The following FABP12 variants were observed in gnomAD, a reference collection of about 807,000 sequenced individuals.
FABP12 encodes the protein fatty acid binding protein 12, also known as fatty acid-binding protein 12.
Under a neutral mutation model 13.7 loss-of-function variants are expected in FABP12, and 19 were observed. The ratio of observed to expected loss-of-function variants is 1.39; its 90% CI spans 0.97 to 2.04. The LOEUF (loss-of-function observed/expected upper bound fraction) is 2.04. Among genes scored for constraint, FABP12 ranks in the 30% most tolerant of loss-of-function variants. FABP12 has a pLI of 0.00. For synonymous variants in FABP12, 61 were observed against 57.0 expected (o/e 1.07, Z -0.32); for missense variants, 182 against 164.2 (o/e 1.11, Z -0.59).
At chr8:81,567,918 G>C (rs537881239) in intron 1 of FABP12, among the ~76,000 whole-genome samples, 22 of 151,998 alleles carry the variant, frequency 1.4e-4, no homozygotes, top group Admixed American at 3.3e-4. Context: ...TCAGGAGATC[G>C]AGACCATCCT....
chr8:81,558,963 T>G (rs991178322), intron 1 of FABP12, among the ~76,000 whole-genome samples: 1 of 150,370 alleles, frequency 6.7e-6, no homozygotes, highest in Non-Finnish European at 1.5e-5. Context: ...GACCTACTAG[T>G]GACAGGGGAC....
At chr8:81,574,581 T>C (rs1010533148) in intron 1 of FABP12, among the ~76,000 whole-genome samples, 14 of 151,940 alleles carry the variant, frequency 9.2e-5, no homozygotes, top group African/African-American at 3.4e-4. Context: ...CATCTGGTCC[T>C]GGATTTTTTT....
chr8:81,554,780 A>C (rs1258516792), intron 1 of FABP12, among the ~76,000 whole-genome samples: 1 of 152,088 alleles, frequency 6.6e-6, no homozygotes, highest in Non-Finnish European at 1.5e-5. Flanking sequence ...AAAATACACC[A>C]ACACTAACGA....
chr8:81,576,370 C>A (rs1317130953), intron 1 of FABP12, among the ~76,000 whole-genome samples: 1 of 151,970 alleles, frequency 6.6e-6, no homozygotes, highest in East Asian at 1.9e-4. Flanking sequence ...ACTAAAAATG[C>A]AAGTATGTAT....
intron 1 of FABP12, among the ~76,000 whole-genome samples, chr8:81,555,647 A>T (rs1809598700): frequency 6.6e-6 from 1 of 152,214 alleles, no homozygotes; most frequent in African/African-American, 2.4e-5. Context: ...TAAAATCAGT[A>T]TTCTTTGTTA....
chr8:81,528,742 A>G (rs1039493332), intron 3 of FABP12, among the ~76,000 whole-genome samples: 2 of 152,184 alleles, frequency 1.3e-5, no homozygotes, highest in Non-Finnish European at 2.9e-5. Flanking sequence ...TAAATAAATA[A>G]TATATTCCTG....
At chr8:81,559,589 C>A (rs385509) in intron 1 of FABP12, among the ~76,000 whole-genome samples, 1,959 of 152,210 alleles carry the variant, frequency 0.013, 30 homozygotes, top group African/African-American at 0.036. Flanking sequence ...TAGTTTTCTG[C>A]AACTATAATA....
intron 1 of FABP12, among the ~76,000 whole-genome samples, chr8:81,586,928 T>C (rs1810248905): frequency 6.6e-6 from 1 of 152,202 alleles, no homozygotes; most frequent in African/African-American, 2.4e-5. Flanking sequence ...CGTTTTGGGT[T>C]TGACATTTAA....
chr8:81,534,936 T>C (rs562766957), upstream of FABP12, among the ~76,000 whole-genome samples: 6 of 147,638 alleles, frequency 4.1e-5, no homozygotes, highest in South Asian at 1.3e-3. Flanking sequence ...AGACTCCAAC[T>C]CAAAAAATTA....
chr8:81,547,853 T>A (rs2400635), intron 1 of FABP12, among the ~76,000 whole-genome samples: 134,161 of 152,220 alleles, frequency 0.88, 59,512 homozygotes, highest in East Asian at 1. Flanking sequence ...TATTCTTCAA[T>A]ACCATCATTA....
At chr8:81,549,131 C>T (rs922786733) in intron 1 of FABP12, among the ~76,000 whole-genome samples, 3 of 152,002 alleles carry the variant, frequency 2.0e-5, no homozygotes, top group African/African-American at 4.8e-5. Flanking sequence ...CCAGTGCCAG[C>T]TTCACCTGAA....
chr8:81,539,433 CTTTTTTTTT>C (rs35386904), intron 2 of FABP12, among the ~76,000 whole-genome samples: 7 of 50,028 alleles, frequency 1.4e-4, no homozygotes, highest in African/African-American at 2.4e-4. Flanking sequence ...TTCTTTAGTT[CTTTTTTTTT>C]TTTTTTTTTT....
At chr8:81,532,764 T>C (rs1015102952) in intron 1 of FABP12, among the ~76,000 whole-genome samples, 2 of 152,236 alleles carry the variant, frequency 1.3e-5, no homozygotes, top group African/African-American at 2.4e-5. Context: ...GAGGTTGCAG[T>C]GAGCCAAGAT....
upstream of FABP12, among the ~76,000 whole-genome samples, chr8:81,535,184 G>A (rs893794584): frequency 2.0e-5 from 3 of 152,198 alleles, no homozygotes; most frequent in Non-Finnish European, 2.9e-5. Flanking sequence ...GGATTTTGCA[G>A]TGATCAGACT....
At chr8:81,566,348 C>T (rs1345069854) in intron 1 of FABP12, among the ~76,000 whole-genome samples, 1 of 151,916 alleles carries the variant, frequency 6.6e-6, no homozygotes, top group Non-Finnish European at 1.5e-5. Context: ...ACCAAAATCA[C>T]ACAAAGACAT....
intron 1 of FABP12, among the ~76,000 whole-genome samples, chr8:81,549,035 T>A (rs566440095): frequency 1.2e-4 from 19 of 152,130 alleles, no homozygotes; most frequent in Admixed American, 4.6e-4. Flanking sequence ...AGGATCTTGA[T>A]ACAACAAACA....
chr8:81,586,283 CA>C (rs1810236695), intron 1 of FABP12, among the ~76,000 whole-genome samples: 1 of 152,056 alleles, frequency 6.6e-6, no homozygotes, highest in African/African-American at 2.4e-5. Context: ...TTGTTATTAT[CA>C]AGAGTGCTGT....
exon 3 of FABP12, chr8:81,529,583 C>G (rs1468665423): frequency 1.9e-6 from 3 of 1,613,726 alleles, no homozygotes; most frequent in Admixed American, 3.3e-5. Context: ...TGCCAAACGG[C>G]CCAGTTTCCT....
rs181510493 is a variant in FABP12, at chr8:81,579,894, C to T, written c.-185+10159G>A. 3.8e-3 allele frequency among the ~76,000 whole-genome samples: 575 copies of T among 151,902 alleles called. 3 individuals are homozygous for T. Among genetic ancestry groups the T allele is most frequent in the Non-Finnish European group, 6.4e-3 (432 of 67,934 alleles). On this transcript the variant is annotated intron_variant, in intron 1 of 5. Transcript: ENST00000692030. ...TTGCATTTATTCTCTTTCTTTTTTA[C>T]CTAATGAAAAAAAAGTAACAGTGGG...
Sources: allele counts gnomAD v4.1 joint callset (sites outside exome capture counted in the v4.1 genomes callset), GRCh38; gene constraint gnomAD v4.1.1; transcripts MANE v1.5; gene names NCBI Gene and HGNC (gene_info 2026-07-23, HGNC 2026-07-21).